Variants in FRMD4A observed in about 807,000 individuals in gnomAD.
FRMD4A encodes FERM domain-containing protein 4A.
In FRMD4A, 29 loss-of-function variants were observed where a neutral mutation model predicts 129.1. The observed-to-expected ratio is 0.22, with a 90% CI of 0.17 to 0.31. FRMD4A has a LOEUF of 0.31. Ranked by LOEUF, FRMD4A falls within the 10% of genes least tolerant of loss-of-function variation. The pLI is 1.00. For synonymous variants in FRMD4A, 634 were observed against 571.6 expected (o/e 1.11, Z -1.56); for missense variants, 1,272 against 1,375.8 (o/e 0.92, Z 1.19).
chr10:14,100,988 T>G (rs1422590270), intron 2 of FRMD4A, among the ~76,000 whole-genome samples: 2 of 152,226 alleles, frequency 1.3e-5, no homozygotes, highest in Non-Finnish European at 2.9e-5. Flanking sequence ...GGAGCTGTGA[T>G]GTTTGGACTT....
intron 2 of FRMD4A, among the ~76,000 whole-genome samples, chr10:14,193,702 T>A (rs1251160810): frequency 6.7e-6 from 1 of 148,322 alleles, no homozygotes; most frequent in Non-Finnish European, 1.5e-5. Flanking sequence ...AAAAAAAAAC[T>A]ACAAATAATA....
intron 2 of FRMD4A, among the ~76,000 whole-genome samples, chr10:14,015,912 G>C (rs58761506): frequency 0.022 from 3,367 of 152,320 alleles, 124 homozygotes; most frequent in African/African-American, 0.077. Context: ...AGAGACTGAA[G>C]TAACTCACTC....
In FRMD4A at chr10:14,076,764, A is replaced by G. The variant is rs193157693; in HGVS notation, c.46-217852T>C. On this transcript the variant is annotated intron_variant, in intron 2 of 24. Coordinates refer to ENST00000357447, the MANE Select transcript of FRMD4A (RefSeq NM_018027.5). ...CTACACTTGTCTGTATCTCTCCCCA[A>G]TAATTCATTACTTGATTACTTTCCT... Among the ~76,000 whole-genome samples, 44 of 152,376 alleles carry G rather than the reference A, an allele frequency of 2.9e-4. No homozygotes were observed. In the East Asian group the frequency reaches 7.1e-3, roughly 25 times the overall value.
intron 3 of FRMD4A, among the ~76,000 whole-genome samples, chr10:13,833,837 G>C (rs192783992): frequency 2.0e-5 from 3 of 152,268 alleles, no homozygotes; most frequent in African/African-American, 7.2e-5. Flanking sequence ...CTATGACATA[G>C]TGGAGCTGGG....
chr10:13,706,786 G>C (rs1177109627), intron 13 of FRMD4A, among the ~76,000 whole-genome samples: 12 of 110,198 alleles, frequency 1.1e-4, no homozygotes, highest in South Asian at 3.3e-4. Context: ...ACACGAGCCA[G>C]GGACACATGT....
intron 6 of FRMD4A, among the ~76,000 whole-genome samples, chr10:13,775,668 C>T (rs1042499957): frequency 2.0e-5 from 3 of 152,094 alleles, no homozygotes; most frequent in Admixed American, 6.6e-5. Context: ...GATGGGGATG[C>T]GGCATCCCGG....
chr10:13,932,821 T>C (rs2095212873), intron 2 of FRMD4A, among the ~76,000 whole-genome samples: 1 of 152,124 alleles, frequency 6.6e-6, no homozygotes, highest in Non-Finnish European at 1.5e-5. Context: ...GTTGAGCCAA[T>C]CAACACTTTC....
Position 14,172,696 on chromosome 10 carries a change from A to C in FRMD4A, c.45+157362T>G, listed in dbSNP as rs529041722. On this transcript the variant is annotated intron_variant, in intron 2 of 24. Coordinates refer to ENST00000357447, the MANE Select transcript of FRMD4A (RefSeq NM_018027.5). ...TCAAGTGAGCTAGGATGCCAGTGTC[A>C]TTTGCCATTTTCTTTGCTGTGGTAG... Among the ~76,000 whole-genome samples, 8 of 152,316 alleles carry C rather than the reference A, an allele frequency of 5.3e-5. No individual in the cohort carries two copies. In the South Asian group the frequency reaches 1.7e-3, roughly 32 times the overall value.
intron 2 of FRMD4A, among the ~76,000 whole-genome samples, chr10:14,038,728 A>G (rs886512463): frequency 2.0e-5 from 3 of 152,240 alleles, no homozygotes; most frequent in African/African-American, 7.2e-5. Flanking sequence ...ATGCGAGAGC[A>G]TCAACTACCC....
At chr10:13,695,139 CA>C (rs1364398812) in intron 14 of FRMD4A, among the ~76,000 whole-genome samples, 2 of 146,570 alleles carry the variant, frequency 1.4e-5, no homozygotes, top group African/African-American at 2.5e-5. Context: ...AGCGGTTTTT[CA>C]AAAAAAAATT....
At chr10:13,658,653 G>A (rs139752123) in intron 21 of FRMD4A, among the ~76,000 whole-genome samples, 1,767 of 152,252 alleles carry the variant, frequency 0.012, 22 homozygotes, top group Non-Finnish European at 0.02. Context: ...GGCCAAGGTG[G>A]GTGGATCACC....
chr10:14,135,004 T>A (rs967131887), intron 2 of FRMD4A, among the ~76,000 whole-genome samples: 1 of 152,234 alleles, frequency 6.6e-6, no homozygotes, highest in African/African-American at 2.4e-5. Flanking sequence ...GGGACTAATT[T>A]TTTTTGAGGA....
intron 24 of FRMD4A, among the ~76,000 whole-genome samples, chr10:13,648,419 T>C (rs2081286138): frequency 6.6e-6 from 1 of 152,128 alleles, no homozygotes; most frequent in African/African-American, 2.4e-5. Flanking sequence ...ATGTTTTTCT[T>C]AGGGGGACAG....
intron 2 of FRMD4A, among the ~76,000 whole-genome samples, chr10:14,178,917 C>A (rs1158797106): frequency 6.6e-6 from 1 of 152,100 alleles, no homozygotes. Context: ...GACTTCTCAC[C>A]TATAGAGGAA....
chr10:13,946,016 C>G (rs578196137), intron 2 of FRMD4A, among the ~76,000 whole-genome samples: 3 of 152,282 alleles, frequency 2.0e-5, no homozygotes, highest in African/African-American at 7.2e-5. Flanking sequence ...GAGCAATGCA[C>G]CAGCACGTAG....
At chr10:14,208,727 G>A (rs1589168515) in intron 2 of FRMD4A, among the ~76,000 whole-genome samples, 1 of 152,184 alleles carries the variant, frequency 6.6e-6, no homozygotes, top group Non-Finnish European at 1.5e-5. Flanking sequence ...GGGAGACTGA[G>A]ACCTGGAGCA....
At chr10:13,688,629 T>G (rs1348214333) in intron 15 of FRMD4A, among the ~76,000 whole-genome samples, 1 of 152,162 alleles carries the variant, frequency 6.6e-6, no homozygotes, top group Non-Finnish European at 1.5e-5. Flanking sequence ...AAGCAAAATC[T>G]ACAGTCAACT....
chr10:14,118,203 TA>T (rs1408536432), intron 2 of FRMD4A, among the ~76,000 whole-genome samples: 1 of 152,226 alleles, frequency 6.6e-6, no homozygotes, highest in Non-Finnish European at 1.5e-5. Flanking sequence ...ATCTGAATTT[TA>T]ACAAGCACCT....
intron 2 of FRMD4A, among the ~76,000 whole-genome samples, chr10:14,257,224 A>G (rs751659705): frequency 3.3e-5 from 5 of 152,190 alleles, no homozygotes; most frequent in Non-Finnish European, 5.9e-5. Context: ...CCAGCTAACC[A>G]GGAGGCTGAG....
Sources: allele counts gnomAD v4.1 joint callset (sites outside exome capture counted in the v4.1 genomes callset), GRCh38; gene constraint gnomAD v4.1.1; transcripts MANE v1.5; gene names NCBI Gene and HGNC (gene_info 2026-07-23, HGNC 2026-07-21).